The following DPP6 variants were observed in gnomAD, a reference collection of about 807,000 sequenced individuals.
DPP6 encodes dipeptidyl peptidase like 6.
In DPP6, 69 loss-of-function variants were observed where a neutral mutation model predicts 122.6. That is an observed-to-expected ratio of 0.56 (90% CI 0.46 to 0.69). The LOEUF is 0.69. Ranked by LOEUF, DPP6 falls within the 30% of genes least tolerant of loss-of-function variation. The pLI is 0.00. For synonymous variants in DPP6, 418 were observed against 433.1 expected (o/e 0.97, Z 0.43); for missense variants, 928 against 1,116.9 (o/e 0.83, Z 2.41).
At chr7:154,538,260 G>A (rs1311253093) in intron 3 of DPP6, among the ~76,000 whole-genome samples, 4 of 151,954 alleles carry the variant, frequency 2.6e-5, no homozygotes, top group African/African-American at 9.7e-5. Flanking sequence ...ATTAAGTTCC[G>A]GGATACATGT....
At chr7:154,335,135 T>A (rs1053528754) in intron 1 of DPP6, among the ~76,000 whole-genome samples, 1 of 152,134 alleles carries the variant, frequency 6.6e-6, no homozygotes, top group African/African-American at 2.4e-5. Context: ...AAGATGAAGG[T>A]GGTGGAAAGG....
chr7:154,481,402 G>A lies in DPP6; in HGVS notation c.457+6365G>A, dbSNP rs1370674354. Reference sequence around the variant, plus strand: ...GTGTGTGTGTGCATGTCAGTCACTGGCTAATTTCCATGTCCACTGCAGTAT... The same window carrying A: ...GTGTGTGTGTGCATGTCAGTCACTGACTAATTTCCATGTCCACTGCAGTAT... On this transcript the variant is annotated intron_variant, in intron 3 of 25. Transcript: ENST00000377770. The surrounding 1 kb of genome is among the most constrained non-coding windows in gnomAD (Gnocchi z 4.2). 6.9e-6 allele frequency among the ~76,000 whole-genome samples: 1 copy of A among 145,910 alleles called. No individual in the cohort carries two copies. Among genetic ancestry groups the A allele is most frequent in the Non-Finnish European group, 1.5e-5 (1 of 67,016 alleles).
intron 1 of DPP6, among the ~76,000 whole-genome samples, chr7:154,242,399 T>C (rs896770869): frequency 6.7e-6 from 1 of 149,316 alleles, no homozygotes; most frequent in African/African-American, 2.6e-5. Flanking sequence ...TGTGTGTGTG[T>C]ATGTGTGTGA....
intron 8 of DPP6, among the ~76,000 whole-genome samples, chr7:154,749,520 T>C (rs1843243487): frequency 1.8e-5 from 2 of 108,470 alleles, no homozygotes; most frequent in African/African-American, 7.5e-5. Context: ...TGAGAGAGGG[T>C]GAGAGAGCAT....
At chr7:154,128,527 G>T (rs368197169) in intron 1 of DPP6, among the ~76,000 whole-genome samples, 1 of 151,974 alleles carries the variant, frequency 6.6e-6, no homozygotes, top group Non-Finnish European at 1.5e-5. Context: ...TCAGCCTCCC[G>T]AGTAGCTGGG....
At chr7:154,291,449 C>G (rs936734816) in intron 1 of DPP6, among the ~76,000 whole-genome samples, 1 of 152,194 alleles carries the variant, frequency 6.6e-6, no homozygotes, top group Admixed American at 6.5e-5. Context: ...ATCAGCGAGG[C>G]CTTGCTTCCT....
intron 7 of DPP6, among the ~76,000 whole-genome samples, chr7:154,706,361 A>T (rs1354601744): frequency 2.0e-5 from 3 of 152,084 alleles, no homozygotes; most frequent in Admixed American, 2.0e-4. Context: ...CTCAGCTCAG[A>T]TATGATTCTC....
intron 1 of DPP6, chr7:154,057,527 A>C (rs1488798354): frequency 1.3e-5 from 2 of 150,948 alleles, no homozygotes; most frequent in African/African-American, 5.0e-5. Context: ...CAGGGGTCCG[A>C]ACGCAGCTCA....
chr7:154,126,433 G>A (rs1050833181), intron 1 of DPP6, among the ~76,000 whole-genome samples: 23 of 151,910 alleles, frequency 1.5e-4, no homozygotes, highest in South Asian at 4.2e-4. Context: ...AAACCTGGAT[G>A]TGCTGTCATC....
At chr7:154,149,853 T>G (rs1427154334) in intron 1 of DPP6, among the ~76,000 whole-genome samples, 5 of 152,068 alleles carry the variant, frequency 3.3e-5, no homozygotes, top group Admixed American at 3.3e-4. Context: ...CCCGCTCCAG[T>G]GGTACCCTCC....
intron 1 of DPP6, among the ~76,000 whole-genome samples, chr7:154,149,867 G>A (rs1043409934): frequency 1.8e-4 from 28 of 151,710 alleles, no homozygotes; most frequent in Non-Finnish European, 3.1e-4. Flanking sequence ...ACCCTCCCCC[G>A]CCCCCGGCAT....
chr7:154,885,583 C>T (rs1407131242), intron 21 of DPP6, 50 bp from the exon 22 acceptor site: 2 of 1,545,324 alleles, frequency 1.3e-6, no homozygotes, highest in Admixed American at 3.9e-5. Context: ...CTGCTTCATG[C>T]TGAGTTACTG....
chr7:154,368,890 T>C (rs924875980), intron 1 of DPP6, among the ~76,000 whole-genome samples: 1 of 152,160 alleles, frequency 6.6e-6, no homozygotes, highest in Non-Finnish European at 1.5e-5. Context: ...GCAAGCTGCA[T>C]TTTTTTCCTA....
Position 154,543,993 on chromosome 7 carries a change from C to CAAA in DPP6, c.552+3385_552+3387dup, listed in dbSNP as rs35853479. Among the ~76,000 whole-genome samples the CAAA allele has an allele frequency of 2.9e-3, 200 of 68,632 alleles. 5 individuals are homozygous for CAAA. The highest frequency in any genetic ancestry group is 5.5e-3 in the African/African-American group (101 of 18,246). 45.0% of individuals were successfully genotyped at this position (68,632 alleles called of 152,430 possible). ...TGGGCAACAGAGTGAGACTCCATCT[C>CAAA]AAAAAAAAAAAAAAAAAAAAGAGTT... On this transcript the variant is annotated intron_variant, in intron 4 of 25. Coordinates refer to ENST00000377770, the MANE Select transcript of DPP6 (RefSeq NM_130797.4).
intron 6 of DPP6, among the ~76,000 whole-genome samples, chr7:154,647,580 G>A (rs1306260944): frequency 6.6e-6 from 1 of 152,182 alleles, no homozygotes; most frequent in Non-Finnish European, 1.5e-5. Context: ...GATTGTTCCT[G>A]AGCCTGGCCA....
intron 1 of DPP6, chr7:154,305,335 T>TGGGCGC: frequency 2.9e-6 from 3 of 1,024,752 alleles, no homozygotes; most frequent in Non-Finnish European, 2.4e-6. Context: ...TCGTCTTGTC[T>TGGGCGC]ACCCACCCTC....
chr7:153,875,598 G>A, the DPP6 span, among the ~76,000 whole-genome samples: 3 of 151,888 alleles, frequency 2.0e-5, no homozygotes, highest in African/African-American at 7.2e-5. Flanking sequence ...ATTAATTAAT[G>A]CAACTATCAA....
intron 1 of DPP6, among the ~76,000 whole-genome samples, chr7:154,281,237 T>A (rs1450607090): frequency 6.6e-6 from 1 of 151,996 alleles, no homozygotes; most frequent in African/African-American, 2.4e-5. Flanking sequence ...GCTCTTAAAC[T>A]CCTGACCTCA....
chr7:154,476,920 C>T (rs1027767274), intron 3 of DPP6, among the ~76,000 whole-genome samples: 4 of 152,138 alleles, frequency 2.6e-5, no homozygotes, highest in African/African-American at 9.6e-5. Flanking sequence ...GTTGAAACGT[C>T]ACCTTTATAA....
Sources: gnomAD v4.1 joint callset for allele counts (sites outside exome capture counted in the v4.1 genomes callset) on GRCh38, gnomAD v4.1.1 for gene constraint, Gnocchi (gnomAD v3.1) non-coding constraint, MANE v1.5 for transcripts, NCBI Gene and HGNC (gene_info 2026-07-23, HGNC 2026-07-21) for gene names.